REPS2: variants seen among roughly 807,000 people sequenced by gnomAD.
The protein encoded by REPS2 is ralBP1-associated Eps domain-containing protein 2.
REPS2 carries 23 observed loss-of-function variants against 53.6 expected under a neutral mutation model. The ratio of observed to expected loss-of-function variants is 0.43; its 90% confidence interval spans 0.31 to 0.61. REPS2 has a LOEUF of 0.61. Ranked by LOEUF, REPS2 falls within the 20% of genes least tolerant of loss-of-function variation. REPS2 has a pLI of 0.11. For synonymous variants in REPS2, 238 were observed against 218.6 expected, an observed-to-expected ratio of 1.09 and a Z score of -0.78; for missense variants, 446 against 534.9, an observed-to-expected ratio of 0.83 and a Z score of 1.64.
intron 13 of REPS2, among the ~76,000 whole-genome samples, chrX:17,093,166 C>CCATATATATATATATATA (rs2062641320): frequency 3.6e-4 from 14 of 39,106 alleles, no homozygotes; most frequent in African/African-American, 1.2e-3. Flanking sequence ...TGAGTTAATG[C>CCATATATATATATATATA]TATATATATA....
chrX:17,096,234 C>T (rs991290462), intron 13 of REPS2, among the ~76,000 whole-genome samples: 3 of 111,541 alleles, frequency 2.7e-5, no homozygotes, highest in Admixed American at 9.5e-5. Flanking sequence ...GTTTTCCTGT[C>T]GGTAAAGTTC....
At chrX:17,028,036 A>G (rs1439516017) in intron 4 of REPS2, among the ~76,000 whole-genome samples, 1 of 111,014 alleles carries the variant, frequency 9.0e-6, no homozygotes, top group African/African-American at 3.3e-5. Flanking sequence ...CTGCCTCTCC[A>G]AAAAAGGCCC....
chrX:17,157,536 C>T (rs886245630), downstream of REPS2, among the ~76,000 whole-genome samples: 1 of 111,996 alleles, frequency 8.9e-6, no homozygotes, highest in African/African-American at 3.2e-5. Flanking sequence ...CTTGGCAATG[C>T]CTAGAGATAG....
At chrX:17,090,664 A>G (rs2062603382) in intron 13 of REPS2, among the ~76,000 whole-genome samples, 2 of 112,388 alleles carry the variant, frequency 1.8e-5, no homozygotes, top group Admixed American at 9.4e-5. Context: ...ATGATTTGCA[A>G]ATATTTTCCA....
At chrX:16,959,297 C>T (rs369935738) in intron 1 of REPS2, among the ~76,000 whole-genome samples, 35 of 111,985 alleles carry the variant, frequency 3.1e-4, no homozygotes, top group African/African-American at 1.0e-3. Flanking sequence ...CAGGGTCTCA[C>T]TATATTCCCC....
intron 11 of REPS2, among the ~76,000 whole-genome samples, chrX:17,070,569 G>A (rs774706881): frequency 8.9e-6 from 1 of 112,138 alleles, no homozygotes; most frequent in Non-Finnish European, 1.9e-5. Context: ...TGTTGATGGA[G>A]CCATCATTGA....
chrX:17,006,816 C>T (rs929104835), intron 2 of REPS2, among the ~76,000 whole-genome samples: 1 of 111,700 alleles, frequency 9.0e-6, no homozygotes, highest in African/African-American at 3.3e-5. Context: ...TACTTGGGTG[C>T]TACCAAAATT....
At chrX:16,964,024 T>TTTA (rs749009062) in intron 1 of REPS2, among the ~76,000 whole-genome samples, 20 of 109,111 alleles carry the variant, frequency 1.8e-4, no homozygotes, top group Admixed American at 4.9e-4. Flanking sequence ...TTAATTTAAT[T>TTTA]TTATTATTAT....
Position 17,047,370 on chromosome X carries a change from A to G in REPS2, c.795A>G (p.Leu265=), listed in dbSNP as rs1417434166. 1 of 1,210,070 alleles carries G rather than the reference A, an allele frequency of 8.3e-7. No individual in the cohort carries two copies. Among genetic ancestry groups the G allele is most frequent in the African/African-American group, 1.7e-5 (1 of 57,776 alleles). The change falls in exon 6 of 18, where the codon CTA becomes CTG. Residue 265 remains leucine, a synonymous_variant. Transcript: ENST00000357277. ...LIRSFSVERE[L]QDNSSYPDEP... ...AGTCCTTTTCAGTGGAGAGGGAACTACAGGATAACAGCAGTTACCCCGACG... is the reference window on the plus strand; with the variant it reads ...AGTCCTTTTCAGTGGAGAGGGAACTGCAGGATAACAGCAGTTACCCCGACG...
chrX:17,180,444 G>A, the REPS2 span, among the ~76,000 whole-genome samples: 1 of 110,952 alleles, frequency 9.0e-6, no homozygotes, highest in Non-Finnish European at 1.9e-5. Context: ...AAATAACAAT[G>A]CCTACTTTGC....
chrX:16,986,738 G>T (rs1414071273), intron 1 of REPS2, among the ~76,000 whole-genome samples: 1 of 111,127 alleles, frequency 9.0e-6, no homozygotes, highest in African/African-American at 3.3e-5. Context: ...CTACTGTGGG[G>T]TATTGGAAGT....
chrX:16,989,704 A>G (rs2061138683), intron 1 of REPS2, among the ~76,000 whole-genome samples: 1 of 112,612 alleles, frequency 8.9e-6, no homozygotes, highest in Non-Finnish European at 1.9e-5. Context: ...ATTAGCCACT[A>G]GGGAAATGTA....
intron 4 of REPS2, among the ~76,000 whole-genome samples, chrX:17,027,288 A>G (rs143049324): frequency 0.044 from 4,903 of 112,242 alleles, 134 homozygotes; most frequent in Non-Finnish European, 0.066. Flanking sequence ...CTTCATATGA[A>G]TGAAAACACA....
chrX:17,031,788 C>T (rs1466882782), intron 5 of REPS2, among the ~76,000 whole-genome samples: 3 of 111,826 alleles, frequency 2.7e-5, no homozygotes, highest in Non-Finnish European at 5.6e-5. Flanking sequence ...AGCAAGGTGA[C>T]AAGATGGAGG....
intron 1 of REPS2, among the ~76,000 whole-genome samples, chrX:16,972,892 T>G (rs890296586): frequency 9.0e-6 from 1 of 111,711 alleles, no homozygotes; most frequent in Middle Eastern, 4.6e-3. Flanking sequence ...AGGAAATTAG[T>G]CTTGGTACAG....
At chrX:17,000,779 G>C (rs1349338885) in intron 1 of REPS2, among the ~76,000 whole-genome samples, 2 of 111,468 alleles carry the variant, frequency 1.8e-5, no homozygotes, top group Non-Finnish European at 3.8e-5. Context: ...CTTACTTTGG[G>C]GATAACATTT....
the REPS2 span, among the ~76,000 whole-genome samples, chrX:17,164,237 A>G: frequency 9.1e-6 from 1 of 110,477 alleles, no homozygotes; most frequent in African/African-American, 3.3e-5. Flanking sequence ...ATCTCACATT[A>G]TTAATAATTA....
intron 13 of REPS2, among the ~76,000 whole-genome samples, chrX:17,080,977 C>G (rs988187311): frequency 1.8e-5 from 2 of 111,248 alleles, no homozygotes. Flanking sequence ...TGTTCCTTGT[C>G]CCTCCAGCCC....
At position 17,041,895 on chromosome X, in the gene REPS2, G is replaced by T. The variant is rs112186642; in HGVS notation, c.772-5452G>T. ...GTTTGATTTTTAAGATAGTTTGATA[G>T]TAGGGGTAAATGTTACCTTTTGGGA... On this transcript the variant is annotated intron_variant, in intron 5 of 17. Transcript: ENST00000357277. Among the ~76,000 whole-genome samples, 520 of 112,173 alleles carry T rather than the reference G, an allele frequency of 4.6e-3. 2 individuals are homozygous for T. The highest frequency in any genetic ancestry group is 0.016 in the African/African-American group (500 of 30,939).
Sources: gnomAD v4.1 joint callset for allele counts (sites outside exome capture counted in the v4.1 genomes callset) on GRCh38, gnomAD v4.1.1 for gene constraint, MANE v1.5 for transcripts, NCBI Gene and HGNC (gene_info 2026-07-23, HGNC 2026-07-21) for gene names.